Variants in NCOA2 observed in about 807,000 individuals in gnomAD.
The protein encoded by NCOA2 is nuclear receptor coactivator 2.
A neutral mutation model predicts 145.1 loss-of-function variants in NCOA2; 21 were observed. That is an observed-to-expected ratio of 0.14 (90% CI 0.10 to 0.21). NCOA2 has a LOEUF of 0.21. NCOA2 is among the 10% of genes least tolerant of loss of function. The probability of loss-of-function intolerance (pLI) is 1.00; values close to 1 mark genes in which losing one functional copy is unlikely to be tolerated. For synonymous variants in NCOA2, 619 were observed against 637.5 expected, an observed-to-expected ratio of 0.97 and a Z score of 0.44; for missense variants, 1,472 against 1,837.6, an observed-to-expected ratio of 0.80 and a Z score of 3.64.
Position 70,126,909 on chromosome 8 carries a change from G to A in NCOA2, c.3820C>T (p.Pro1274Ser). The A allele has an allele frequency of 6.2e-7, 1 of 1,614,002 alleles. No individual in the cohort carries two copies. The highest frequency in any genetic ancestry group is 2.2e-5 in the East Asian group (1 of 44,888). Residue 1274 changes from proline (P) to serine (S), a missense_variant, in exon 19 of 23, where the codon CCA becomes TCA. Transcript: ENST00000452400. ...ATACCACTAGGAGCCACCATGCTTG[G>A]TGTCATATTCAACCCTTGTCCTCTC... is the stretch of plus-strand genomic sequence containing the variant. The part of the protein sequence containing the change: ...MMRGQGLNMT[P>S]SMVAPSGMPA...
At chr8:70,295,066 A>C (rs1826987896) in intron 2 of NCOA2, among the ~76,000 whole-genome samples, 1 of 152,224 alleles carries the variant, frequency 6.6e-6, no homozygotes, top group Non-Finnish European at 1.5e-5. Context: ...AAGGTAAGAA[A>C]GAACAAAAAA....
chr8:70,185,580 G>A (rs529984907), intron 4 of NCOA2, among the ~76,000 whole-genome samples: 2 of 152,282 alleles, frequency 1.3e-5, no homozygotes, highest in East Asian at 1.9e-4. Flanking sequence ...TGTGGCCAGG[G>A]CGCAAGCTCT....
intron 1 of NCOA2, among the ~76,000 whole-genome samples, chr8:70,328,439 T>C (rs1265305239): frequency 1.3e-5 from 2 of 152,226 alleles, no homozygotes; most frequent in African/African-American, 2.4e-5. Flanking sequence ...ACATCATTCA[T>C]AAACTGGATT....
At chr8:70,415,244 G>A in the NCOA2 span, among the ~76,000 whole-genome samples, 4 of 151,876 alleles carry the variant, frequency 2.6e-5, no homozygotes, top group East Asian at 3.9e-4. Flanking sequence ...TGTGAGGATC[G>A]CTTGAACCCA....
chr8:70,168,336 T>G (rs1355312647), intron 6 of NCOA2, among the ~76,000 whole-genome samples: 1 of 152,224 alleles, frequency 6.6e-6, no homozygotes, highest in Admixed American at 6.5e-5. Flanking sequence ...TATTATTACT[T>G]TTTTGAGACA....
At chr8:70,297,179 G>A (rs1244605874) in intron 1 of NCOA2, among the ~76,000 whole-genome samples, 1 of 152,154 alleles carries the variant, frequency 6.6e-6, no homozygotes, top group Non-Finnish European at 1.5e-5. Flanking sequence ...TGCATTCCTA[G>A]GGCTGTGCCC....
chr8:70,307,888 G>A (rs1360521524), intron 1 of NCOA2, among the ~76,000 whole-genome samples: 9 of 152,050 alleles, frequency 5.9e-5, no homozygotes, highest in African/African-American at 2.2e-4. Context: ...TGTTTTATAG[G>A]TCTTAATTAA....
Position 70,363,083 on chromosome 8 carries a change from A to AC in NCOA2, c.-77+40616_-77+40617insG, listed in dbSNP as rs1218161970. Among the ~76,000 whole-genome samples the AC allele has an allele frequency of 3.0e-3, 443 of 146,776 alleles. 4 individuals carry two copies. The highest frequency in any genetic ancestry group is 0.011 in the African/African-American group (428 of 39,896). On this transcript the variant is annotated intron_variant, in intron 1 of 22. Transcript: ENST00000452400. ...ACAGAGTTAAGACTCTGTCTTTAAA[A>AC]AAAAAAAAAAAAAAAAAAGGCCTGG...
At chr8:70,168,380 G>A (rs971404879) in intron 6 of NCOA2, among the ~76,000 whole-genome samples, 16 of 152,122 alleles carry the variant, frequency 1.1e-4, no homozygotes, top group Non-Finnish European at 2.1e-4. Context: ...GTGCAGTGGC[G>A]TGATCTTGGC....
In NCOA2 at chr8:70,174,796, C is replaced by A; in HGVS notation, c.323G>T (p.Gly108Val). 6.2e-7 allele frequency: 1 copy of A among 1,613,764 alleles called. No individual in the cohort carries two copies. Among genetic ancestry groups the A allele is most frequent in the Non-Finnish European group, 8.5e-7 (1 of 1,179,706 alleles). ...QKSDVSSTGQ[G>V]VIDKDALGPM... The stretch of plus-strand genomic sequence containing the variant: ...CCCCAGCGCATCCTTGTCGATGACA[C>A]CCTGCCCTGTAGAGGATACATCTGA... The change falls in exon 5 of 23, where the codon GGT becomes GTT. Residue 108 changes from glycine to valine, a missense_variant. Transcript: ENST00000452400.
At position 70,207,862 on chromosome 8, in the gene NCOA2, C is replaced by CAAAA. The variant is rs754670876; in HGVS notation, c.259+6037_259+6040dup. The stretch of plus-strand genomic sequence containing the variant: ...TGGGTGACAGAGCCTGACTCCACCT[C>CAAAA]AAAAAAAAAAAAAAAAAAAAAAAAG... On this transcript the variant is annotated intron_variant, in intron 4 of 22. Coordinates refer to ENST00000452400, the MANE Select transcript of NCOA2 (RefSeq NM_006540.4). Among the ~76,000 whole-genome samples the CAAAA allele has an allele frequency of 7.9e-3, 283 of 35,696 alleles. 7 individuals are homozygous for CAAAA. Among genetic ancestry groups the CAAAA allele is most frequent in the African/African-American group, 0.018 (165 of 9,118 alleles). 23.4% of individuals were successfully genotyped at this position (35,696 alleles called of 152,430 possible). A position where few individuals can be genotyped will look rare whatever the true frequency, so the allele number is the denominator to read the frequency against.
chr8:70,359,617 A>C (rs1810033910), intron 1 of NCOA2, among the ~76,000 whole-genome samples: 1 of 152,146 alleles, frequency 6.6e-6, no homozygotes, highest in African/African-American at 2.4e-5. Context: ...TTGCCATAAT[A>C]AAATGTTTAG....
intron 1 of NCOA2, among the ~76,000 whole-genome samples, chr8:70,298,816 C>A (rs1827276105): frequency 6.6e-6 from 1 of 152,170 alleles, no homozygotes; most frequent in Non-Finnish European, 1.5e-5. Flanking sequence ...AATCCCAGCA[C>A]TCTGGGAGGC....
At chr8:70,280,920 T>C (rs1825822879) in intron 2 of NCOA2, among the ~76,000 whole-genome samples, 1 of 151,736 alleles carries the variant, frequency 6.6e-6, no homozygotes. Context: ...CAGTGTGAGC[T>C]CTGTGGAGAG....
intron 2 of NCOA2, among the ~76,000 whole-genome samples, chr8:70,223,105 C>T (rs995176386): frequency 3.9e-5 from 6 of 152,154 alleles, no homozygotes; most frequent in African/African-American, 1.4e-4. Flanking sequence ...TTTCTCTCCC[C>T]TTCAAGCAGA....
chr8:70,207,542 A>C (rs1256124659), intron 4 of NCOA2, among the ~76,000 whole-genome samples: 1 of 152,224 alleles, frequency 6.6e-6, no homozygotes, highest in Non-Finnish European at 1.5e-5. Flanking sequence ...TATGTAGTTC[A>C]GTGGAAAAAT....
At chr8:70,133,947 C>T (rs1176920728) in intron 15 of NCOA2, among the ~76,000 whole-genome samples, 6 of 152,200 alleles carry the variant, frequency 3.9e-5, no homozygotes, top group African/African-American at 1.4e-4. Flanking sequence ...CTTGAGGCCA[C>T]GCGTCACCTG....
intron 15 of NCOA2, among the ~76,000 whole-genome samples, chr8:70,133,826 C>T (rs7823440): frequency 0.055 from 8,319 of 152,226 alleles, 762 homozygotes; most frequent in African/African-American, 0.19. Context: ...TACTGAAGTG[C>T]TAGCACTGAA....
At chr8:70,313,496 A>G (rs1228265047) in intron 1 of NCOA2, among the ~76,000 whole-genome samples, 1 of 152,190 alleles carries the variant, frequency 6.6e-6, no homozygotes, top group Non-Finnish European at 1.5e-5. Flanking sequence ...TGTCACTGGT[A>G]ATAGTGGTAA....
Sources: gnomAD v4.1 joint callset for allele counts (sites outside exome capture counted in the v4.1 genomes callset) on GRCh38, gnomAD v4.1.1 for gene constraint, MANE v1.5 for transcripts, NCBI Gene and HGNC (gene_info 2026-07-23, HGNC 2026-07-21) for gene names.